The following ADCY5 variants were observed in gnomAD, a reference collection of about 807,000 sequenced individuals.
The protein encoded by ADCY5 is adenylate cyclase 5.
Under a neutral mutation model 119.7 loss-of-function variants are expected in ADCY5, and 30 were observed. The observed-to-expected ratio is 0.25, with a 90% CI of 0.19 to 0.34. ADCY5 has a LOEUF of 0.34. ADCY5 is among the 10% of genes least tolerant of loss of function. ADCY5 has a pLI of 1.00. For missense variants in ADCY5, 1,324 were observed against 1,775.2 expected (o/e 0.75, Z 4.57); for synonymous variants, 753 against 762.2 (o/e 0.99, Z 0.20).
chr3:123,408,633 G>A (rs572067877), intron 1 of ADCY5, among the ~76,000 whole-genome samples: 1 of 148,332 alleles, frequency 6.7e-6, no homozygotes, highest in South Asian at 2.1e-4. Context: ...TCCAGCCTGG[G>A]CGACAGAGCA....
At chr3:123,410,339 T>C (rs1945013047) in intron 1 of ADCY5, among the ~76,000 whole-genome samples, 1 of 142,368 alleles carries the variant, frequency 7.0e-6, no homozygotes, top group South Asian at 2.6e-4. Flanking sequence ...CCCCAACCCT[T>C]ATCCCCCAAT....
At chr3:123,390,027 C>T (rs367543368) in intron 1 of ADCY5, among the ~76,000 whole-genome samples, 5 of 152,284 alleles carry the variant, frequency 3.3e-5, no homozygotes, top group Admixed American at 6.5e-5. Flanking sequence ...GGGCTGGGTG[C>T]ACCAGGACAG....
intron 1 of ADCY5, among the ~76,000 whole-genome samples, chr3:123,356,137 C>A (rs1202663613): frequency 6.6e-6 from 1 of 152,078 alleles, no homozygotes; most frequent in African/African-American, 2.4e-5. Context: ...ATACTATACA[C>A]AAAAATTCAC....
chr3:123,369,733 A>G (rs993406480), intron 1 of ADCY5, among the ~76,000 whole-genome samples: 7 of 152,246 alleles, frequency 4.6e-5, no homozygotes, highest in African/African-American at 1.7e-4. Context: ...AGGCTGGGCC[A>G]GCTCAACAAA....
chr3:123,428,478 C>T (rs73856609), intron 1 of ADCY5, among the ~76,000 whole-genome samples: 3,243 of 152,280 alleles, frequency 0.021, 119 homozygotes, highest in African/African-American at 0.07. Context: ...CGCTCCCTTG[C>T]GTCCTCCAAA....
chr3:123,334,149 T>C lies in ADCY5; in HGVS notation c.1407-1474A>G, dbSNP rs138135988. Among the ~76,000 whole-genome samples the C allele has an allele frequency of 3.5e-3, 531 of 152,306 alleles. 3 individuals are homozygous for C. Among genetic ancestry groups the C allele is most frequent in the African/African-American group, 0.012 (507 of 41,570 alleles). ...ACACAAAAATCTAAAAACTCTCATG[T>C]ACTGAGATGCTCCTGGCAGCCAGGA... On this transcript the variant is annotated intron_variant, in intron 3 of 20. Coordinates refer to ENST00000462833, the MANE Select transcript of ADCY5 (RefSeq NM_183357.3).
intron 10 of ADCY5, among the ~76,000 whole-genome samples, chr3:123,318,912 G>A (rs944616148): frequency 6.6e-6 from 1 of 152,194 alleles, no homozygotes; most frequent in Non-Finnish European, 1.5e-5. Flanking sequence ...AAATGCAACA[G>A]AGAGATCTTG....
chr3:123,365,946 G>A (rs1473936653), intron 1 of ADCY5, among the ~76,000 whole-genome samples: 3 of 152,144 alleles, frequency 2.0e-5, no homozygotes, highest in Admixed American at 1.3e-4. Flanking sequence ...CTGCAGAACT[G>A]AGCTGTCCAC....
chr3:123,331,165 T>G, intron 4 of ADCY5, 149 bp from the exon 5 acceptor site: 1 of 818,588 alleles, frequency 1.2e-6, no homozygotes, highest in Non-Finnish European at 1.9e-6. Flanking sequence ...CTCGGCATGG[T>G]CCTGGGACAG....
rs538002508 is a variant in ADCY5 at position 123,443,709 on chromosome 3, G to T, written c.1134+3703C>A. 2.0e-4 allele frequency among the ~76,000 whole-genome samples: 30 copies of T among 152,320 alleles called. No individual in the cohort carries two copies. In the South Asian group the frequency reaches 5.0e-3, roughly 25 times the overall value. ...AAGAAGCTGGGGAAAGACAGGGTGG[G>T]GTGGGAGATGGGTTGTCCCACACTG... is the stretch of plus-strand genomic sequence containing the variant. On this transcript the variant is annotated intron_variant, in intron 1 of 20. Coordinates refer to ENST00000462833, the MANE Select transcript of ADCY5 (RefSeq NM_183357.3).
intron 1 of ADCY5, among the ~76,000 whole-genome samples, chr3:123,425,226 G>A (rs1014598686): frequency 9.2e-5 from 14 of 152,228 alleles, no homozygotes; most frequent in African/African-American, 3.4e-4. Context: ...CCAGCCAAAG[G>A]AATGTTCTGG....
intron 1 of ADCY5, chr3:123,404,681 G>A (rs1184712628): frequency 6.6e-6 from 1 of 152,270 alleles, no homozygotes; most frequent in Non-Finnish European, 1.5e-5. Flanking sequence ...AGAGCTCCCA[G>A]CCGCAGGGGC....
At chr3:123,430,699 T>G (rs1015676737) in intron 1 of ADCY5, among the ~76,000 whole-genome samples, 3 of 152,182 alleles carry the variant, frequency 2.0e-5, no homozygotes, top group African/African-American at 7.2e-5. Context: ...CAAATCCACA[T>G]GTGGTCATTC....
chr3:123,397,052 A>T (rs886904565), intron 1 of ADCY5, among the ~76,000 whole-genome samples: 6 of 152,026 alleles, frequency 3.9e-5, no homozygotes, highest in African/African-American at 1.4e-4. Flanking sequence ...GATTTATGCT[A>T]TTATTTTTCC....
chr3:123,377,475 G>C (rs2332510), intron 1 of ADCY5, among the ~76,000 whole-genome samples: 65,300 of 151,960 alleles, frequency 0.43, 15,855 homozygotes, highest in East Asian at 0.7. Context: ...CTCAGAGTGG[G>C]TCCCCCCACA....
At position 123,325,348 on chromosome 3, in the gene ADCY5, G is replaced by C; in HGVS notation, c.2062C>G (p.Gln688Glu). 1 of 1,614,132 alleles carries C rather than the reference G, an allele frequency of 6.2e-7. No individual in the cohort carries two copies. Among genetic ancestry groups the C allele is most frequent in the Non-Finnish European group, 8.5e-7 (1 of 1,180,012 alleles). Residue 688 changes from glutamine (Q) to glutamate (E), a missense_variant, in exon 8 of 21, where the codon CAG (glutamine) becomes GAG (glutamate). Gln to Glu is a conservative substitution (Grantham distance 29). Around this residue, in one of 6 missense-constraint regions of ADCY5, gnomAD observed 424 missense variants for 546.8 expected, o/e 0.78. Transcript: ENST00000462833. Reference sequence around the variant, plus strand: ...ATCCGCTTCATCTCCTTGGACACCTGGTTGCCACCCAGGTGGTTGTAGAAG... The same window carrying C: ...ATCCGCTTCATCTCCTTGGACACCTCGTTGCCACCCAGGTGGTTGTAGAAG... ...RPFYNHLGGN[Q>E]VSKEMKRMGF...
intron 2 of ADCY5, 133 bp from the exon 3 acceptor site, chr3:123,348,036 A>AGTGT (rs59441110): frequency 0.24 from 114,225 of 466,554 alleles, 6,569 homozygotes; most frequent in Non-Finnish European, 0.27. Flanking sequence ...CTGGGTTAAC[A>AGTGT]GTGTGTGTGT....
At chr3:123,369,629 T>C (rs60071988) in intron 1 of ADCY5, among the ~76,000 whole-genome samples, 10,165 of 152,220 alleles carry the variant, frequency 0.067, 845 homozygotes, top group East Asian at 0.26. Flanking sequence ...ATTGAGTCTA[T>C]AGGAGAAATG....
At chr3:123,447,329 T>G (rs190832807) in intron 1 of ADCY5, 83 bp downstream of exon 1, 184 of 1,353,716 alleles carry the variant, frequency 1.4e-4, no homozygotes, top group Non-Finnish European at 1.7e-4. Flanking sequence ...TTCGAAAGGG[T>G]GAGGGTGGGA....
Sources: allele counts gnomAD v4.1 joint callset (sites outside exome capture counted in the v4.1 genomes callset), GRCh38; gene constraint gnomAD v4.1.1; regional missense constraint gnomAD v4.1.1; transcripts MANE v1.5; gene names NCBI Gene and HGNC (gene_info 2026-07-23, HGNC 2026-07-21).